Variants in KCNAB1 observed in about 807,000 individuals in gnomAD.
The protein encoded by KCNAB1 is potassium voltage-gated channel subfamily A regulatory beta subunit 1.
Under a neutral mutation model 64.6 loss-of-function variants are expected in KCNAB1, and 35 were observed. The ratio of observed to expected loss-of-function variants is 0.54; its 90% CI spans 0.41 to 0.72. KCNAB1 has a LOEUF of 0.72. Ranked by LOEUF, KCNAB1 falls within the 30% of genes least tolerant of loss-of-function variation. The pLI is 0.00. For synonymous variants in KCNAB1, 177 were observed against 183.8 expected (o/e 0.96, Z 0.30); for missense variants, 401 against 512.9 (o/e 0.78, Z 2.11).
At chr3:156,511,354 C>T (rs112161578) in intron 8 of KCNAB1, among the ~76,000 whole-genome samples, 4 of 152,186 alleles carry the variant, frequency 2.6e-5, no homozygotes, top group African/African-American at 7.2e-5. Context: ...CCACCCGCCT[C>T]GGCCTCCCAA....
At chr3:156,141,700 C>T (rs1395184179) in intron 1 of KCNAB1, among the ~76,000 whole-genome samples, 1 of 152,076 alleles carries the variant, frequency 6.6e-6, no homozygotes, top group Non-Finnish European at 1.5e-5. Context: ...TAGATTTTGG[C>T]TATTATGAAT....
chr3:156,524,122 T>C, intron 12 of KCNAB1, 175 bp downstream of exon 12: 1 of 604,670 alleles, frequency 1.7e-6, no homozygotes. Context: ...CAGAATTTTC[T>C]ACATGATAGC....
chr3:156,369,555 G>A (rs1726168817), intron 1 of KCNAB1, among the ~76,000 whole-genome samples: 1 of 152,190 alleles, frequency 6.6e-6, no homozygotes, highest in African/African-American at 2.4e-5. Flanking sequence ...GTTTTTTAAA[G>A]GGGAGAGAAG....
chr3:156,387,042 T>C, intron 1 of KCNAB1, among the ~76,000 whole-genome samples: 1 of 150,040 alleles, frequency 6.7e-6, no homozygotes, highest in African/African-American at 2.5e-5. Context: ...TTTGCCTGTA[T>C]GCTACTCTAC....
At chr3:156,382,221 C>T (rs886767611) in intron 1 of KCNAB1, 6 of 152,174 alleles carry the variant, frequency 3.9e-5, no homozygotes, top group African/African-American at 1.4e-4. Context: ...GAGTGGCTCA[C>T]ACCTGTAATC....
intron 2 of KCNAB1, among the ~76,000 whole-genome samples, chr3:156,439,198 A>C (rs1716813869): frequency 6.6e-6 from 1 of 151,386 alleles, no homozygotes; most frequent in Admixed American, 6.6e-5. Context: ...TTCTCAAAAA[A>C]AAAAGTGTTA....
intron 1 of KCNAB1, among the ~76,000 whole-genome samples, chr3:156,306,890 G>A (rs1034598710): frequency 3.9e-5 from 6 of 152,230 alleles, no homozygotes; most frequent in Admixed American, 1.3e-4. Flanking sequence ...CTGTAATCAC[G>A]TGGTAAACAT....
chr3:156,245,065 C>G (rs1382422534), intron 1 of KCNAB1, among the ~76,000 whole-genome samples: 1 of 152,186 alleles, frequency 6.6e-6, no homozygotes. Context: ...CTTTTATTTA[C>G]CATCACCTCT....
intron 1 of KCNAB1, among the ~76,000 whole-genome samples, chr3:156,298,257 G>T: frequency 6.6e-6 from 1 of 152,078 alleles, no homozygotes; most frequent in Non-Finnish European, 1.5e-5. Flanking sequence ...GGAAGTGTGT[G>T]TGGGGGCTGT....
intron 2 of KCNAB1, among the ~76,000 whole-genome samples, chr3:156,429,429 G>A (rs1325760227): frequency 6.6e-6 from 1 of 152,176 alleles, no homozygotes; most frequent in Non-Finnish European, 1.5e-5. Flanking sequence ...CCTGCCATTC[G>A]ACTCCTGCCA....
chr3:156,274,563 T>C (rs538631788), intron 1 of KCNAB1, among the ~76,000 whole-genome samples: 11 of 152,176 alleles, frequency 7.2e-5, no homozygotes, highest in Non-Finnish European at 1.5e-4. Flanking sequence ...ATGACAGATT[T>C]GAAGGTTTTA....
At chr3:156,522,632 A>G (rs1718030820) in intron 11 of KCNAB1, among the ~76,000 whole-genome samples, 2 of 152,232 alleles carry the variant, frequency 1.3e-5, no homozygotes, top group Admixed American at 1.3e-4. Flanking sequence ...TCTCATCGGC[A>G]AAATAACTCA....
chr3:156,473,249 G>A (rs185689567), intron 7 of KCNAB1, among the ~76,000 whole-genome samples: 2 of 152,268 alleles, frequency 1.3e-5, no homozygotes, highest in East Asian at 3.9e-4. Flanking sequence ...TGTCAGTATT[G>A]TTAGGCCCAC....
upstream of KCNAB1, chr3:156,120,506 A>G: frequency 7.8e-7 from 1 of 1,282,000 alleles, no homozygotes; most frequent in Non-Finnish European, 1.1e-6. Flanking sequence ...GATAAGGTTA[A>G]GAGAGGTGGA....
intron 1 of KCNAB1, among the ~76,000 whole-genome samples, chr3:156,181,177 A>G (rs139354501): frequency 6.6e-6 from 1 of 152,298 alleles, no homozygotes; most frequent in Non-Finnish European, 1.5e-5. Flanking sequence ...AAATACAAGC[A>G]CATTCTGACA....
At chr3:156,410,009 A>G (rs758712443) in intron 1 of KCNAB1, among the ~76,000 whole-genome samples, 4 of 152,250 alleles carry the variant, frequency 2.6e-5, no homozygotes, top group African/African-American at 4.8e-5. Flanking sequence ...GTAGCTACTG[A>G]GTAAGCATGT....
intron 1 of KCNAB1, among the ~76,000 whole-genome samples, chr3:156,141,686 T>C (rs1399575644): frequency 6.6e-6 from 1 of 152,198 alleles, no homozygotes; most frequent in Non-Finnish European, 1.5e-5. Flanking sequence ...ATTTGGGTTG[T>C]TTCTAGATTT....
intron 6 of KCNAB1, 117 bp downstream of exon 6, chr3:156,463,863 G>GGT (rs1553750694): frequency 6.9e-4 from 394 of 574,126 alleles, no homozygotes; most frequent in Middle Eastern, 1.5e-3. Context: ...AGGGTTTTTT[G>GGT]TTTTTTTTTT....
intron 1 of KCNAB1, among the ~76,000 whole-genome samples, chr3:156,381,267 A>G (rs973872216): frequency 1.3e-5 from 2 of 152,212 alleles, no homozygotes; most frequent in African/African-American, 4.8e-5. Flanking sequence ...TAAAGGATGG[A>G]CATTTCTGCA....
Sources: gnomAD v4.1 joint callset for allele counts (sites outside exome capture counted in the v4.1 genomes callset) on GRCh38, gnomAD v4.1.1 for gene constraint, MANE v1.5 for transcripts, NCBI Gene and HGNC (gene_info 2026-07-23, HGNC 2026-07-21) for gene names.